The following RBM48 variants were observed in gnomAD, a reference collection of about 807,000 sequenced individuals.
RBM48 encodes RNA-binding protein 48.
A neutral mutation model predicts 34.8 loss-of-function variants in RBM48; 32 were observed. The ratio of observed to expected loss-of-function variants is 0.92; its 90% CI spans 0.69 to 1.23. The LOEUF is 1.23. RBM48 is among the 50% of genes most tolerant of loss of function. RBM48 has a pLI of 0.00. For synonymous variants in RBM48, 151 were observed against 156.2 expected, an observed-to-expected ratio of 0.97 and a Z score of 0.25; for missense variants, 441 against 447.2, an observed-to-expected ratio of 0.99 and a Z score of 0.12.
rs368519576 is a variant in RBM48, at chr7:92,534,713, A to T, written c.760A>T (p.Asn254Tyr). 2.5e-6 allele frequency: 4 copies of T among 1,614,034 alleles called. No individual in the cohort carries two copies. The African/African-American group carries it at 4.0e-5, about 16-fold the overall frequency. ...LRKTQINSLK[N>Y]SVACPGAQKA... is the part of the protein sequence containing the mutation. The stretch of plus-strand genomic sequence containing the variant: ...GAAAACACAGATAAACTCTTTGAAA[A>T]ACTCAGTGGCCTGCCCTGGTGCACA... The change falls in exon 4 of 5, where the codon AAC (asparagine) becomes TAC (tyrosine). Residue 254 changes from asparagine to tyrosine, a missense_variant. Physicochemically the swap from Asn to Tyr is moderately radical, Grantham distance 143. Coordinates refer to ENST00000265732, the MANE Select transcript of RBM48 (RefSeq NM_032120.4).
intron 2 of RBM48, among the ~76,000 whole-genome samples, chr7:92,530,134 G>A (rs1159430289): frequency 2.1e-5 from 3 of 145,978 alleles, no homozygotes; most frequent in Non-Finnish European, 3.0e-5. Flanking sequence ...CCGAGATTGC[G>A]CCATTGCACT....
intron 3 of RBM48, among the ~76,000 whole-genome samples, chr7:92,533,352 A>G (rs1299886046): frequency 6.6e-6 from 1 of 152,188 alleles, no homozygotes. Flanking sequence ...CCTGGGTCCT[A>G]ATTTTTCTGG....
intron 3 of RBM48, among the ~76,000 whole-genome samples, chr7:92,533,986 A>C (rs1392304597): frequency 6.6e-6 from 1 of 151,838 alleles, no homozygotes; most frequent in Non-Finnish European, 1.5e-5. Flanking sequence ...AAAAAAAAAA[A>C]AAACCTTTCT....
At chr7:92,536,440 G>T in intron 4 of RBM48, 2 of 986,168 alleles carry the variant, frequency 2.0e-6, no homozygotes, top group Non-Finnish European at 2.4e-6. Context: ...CCAGGAAATT[G>T]AGGATTATAC....
At chr7:92,529,302 T>C (rs1793475167) in intron 1 of RBM48, 174 bp from the exon 2 acceptor site, 1 of 588,108 alleles carries the variant, frequency 1.7e-6, no homozygotes. Flanking sequence ...GCCTCTCACA[T>C]GGACTGTTAT....
At chr7:92,530,573 A>C (rs916400340) in intron 2 of RBM48, among the ~76,000 whole-genome samples, 3 of 151,998 alleles carry the variant, frequency 2.0e-5, no homozygotes, top group Admixed American at 6.6e-5. Context: ...AGGTCGAGGT[A>C]GGTGGATCAC....
In RBM48 at chr7:92,539,810, A is replaced by T. The variant is rs1195116507; in HGVS notation, c.*2873A>T. Among the ~76,000 whole-genome samples, 1 of 152,250 alleles carries T rather than the reference A, an allele frequency of 6.6e-6. No homozygotes were observed. The highest frequency in any genetic ancestry group is 1.5e-5 in the Non-Finnish European group (1 of 68,040). On this transcript the variant is annotated 3_prime_UTR_variant, in exon 5 of 5. Coordinates refer to ENST00000265732, the MANE Select transcript of RBM48 (RefSeq NM_032120.4). ...TATTAGACTGATACTTGCAGCTCAG[A>T]AAACTTTTGTCAGATGCATACATGA...
rs1426849105 is a variant in RBM48, at chr7:92,534,533, T to C, written c.580T>C (p.Tyr194His). 6.2e-7 allele frequency: 1 copy of C among 1,614,172 alleles called. No individual in the cohort carries two copies. Among genetic ancestry groups the C allele is most frequent in the Admixed American group, 1.7e-5 (1 of 60,030 alleles). Residue 194 changes from tyrosine (Y) to histidine (H), a missense_variant, in exon 4 of 5, where the codon TAT (tyrosine) becomes CAT (histidine). Coordinates refer to ENST00000265732, the MANE Select transcript of RBM48 (RefSeq NM_032120.4). ...LNTSAGNSNP[Y>H]LPYSCELPLC... is the part of the protein sequence containing the mutation. ...CACTTCTGCAGGGAACTCAAATCCT[T>C]ATCTTCCGTATTCCTGTGAATTGCC...
chr7:92,536,296 A>G, intron 4 of RBM48: 1 of 979,826 alleles, frequency 1.0e-6, no homozygotes, highest in Non-Finnish European at 1.2e-6. Flanking sequence ...AACAACAAAA[A>G]AAAGATATTA....
intron 2 of RBM48, among the ~76,000 whole-genome samples, chr7:92,532,065 A>G (rs977311460): frequency 2.6e-5 from 4 of 152,198 alleles, no homozygotes; most frequent in African/African-American, 9.6e-5. Context: ...AAAAAGCTTA[A>G]TTGGGTATGA....
intron 3 of RBM48, among the ~76,000 whole-genome samples, chr7:92,533,751 T>C (rs1004910052): frequency 2.6e-5 from 4 of 152,142 alleles, no homozygotes; most frequent in Non-Finnish European, 5.9e-5. Flanking sequence ...TCCCATGTAT[T>C]AATATTAACA....
rs188801072 is a variant in RBM48, at chr7:92,534,881, G to C, written c.928G>C (p.Gly310Arg). Reference sequence around the variant, plus strand: ...CCCAACTGGTAATGAGATTATGATTGGACCTCTGTTACCAGACATCTCTAA... The same window carrying C: ...CCCAACTGGTAATGAGATTATGATTCGACCTCTGTTACCAGACATCTCTAA... Reference protein sequence around the residue: ...TNPTGNEIMIGPLLPDISKVD... With the variant: ...TNPTGNEIMIRPLLPDISKVD... The change falls in exon 4 of 5, where the codon GGA becomes CGA. Residue 310 changes from glycine to arginine, a missense_variant. Physicochemically the swap from Gly to Arg is moderately radical, Grantham distance 125 (BLOSUM62 -2). Coordinates refer to ENST00000265732, the MANE Select transcript of RBM48 (RefSeq NM_032120.4). 59 of 1,614,088 alleles carry C rather than the reference G, an allele frequency of 3.7e-5. No individual in the cohort carries two copies. Among genetic ancestry groups the C allele is most frequent in the Admixed American group, 2.2e-4 (13 of 60,004 alleles).
intron 4 of RBM48, chr7:92,536,136 AAAG>A: frequency 1.0e-6 from 1 of 985,338 alleles, no homozygotes; most frequent in Non-Finnish European, 1.2e-6. Context: ...TCTCAAAAAA[AAAG>A]GTTTTCAGTT....
In RBM48 at chr7:92,537,146, G is replaced by A; in HGVS notation, c.*209G>A. The A allele has an allele frequency of 2.9e-6, 1 of 349,020 alleles. No individual in the cohort carries two copies. The highest frequency in any genetic ancestry group is 5.3e-6 in the Non-Finnish European group (1 of 186,930). 21.6% of individuals were successfully genotyped at this position (349,020 alleles called of 1,614,324 possible). A position where few individuals can be genotyped will look rare whatever the true frequency, so the allele number is the denominator to read the frequency against. On this transcript the variant is annotated 3_prime_UTR_variant, in exon 5 of 5. Transcript: ENST00000265732. Reference sequence around the variant, plus strand: ...TGCCCAGGCTGGAATGCAGTGGCGTGATCTCGGCTCACTGCAACCTCCACC... The same window carrying A: ...TGCCCAGGCTGGAATGCAGTGGCGTAATCTCGGCTCACTGCAACCTCCACC...
intron 3 of RBM48, among the ~76,000 whole-genome samples, chr7:92,532,922 A>G (rs1793612327): frequency 6.6e-6 from 1 of 152,248 alleles, no homozygotes; most frequent in Non-Finnish European, 1.5e-5. Flanking sequence ...CAAAGGTTTC[A>G]GTGAGAGATA....
At chr7:92,536,573 C>A in intron 4 of RBM48, 2 of 1,051,060 alleles carry the variant, frequency 1.9e-6, no homozygotes, top group East Asian at 7.0e-5. Context: ...GTCTTTAGAT[C>A]TATAAAGGAA....
At chr7:92,533,380 C>T (rs1282596955) in intron 3 of RBM48, among the ~76,000 whole-genome samples, 3 of 152,164 alleles carry the variant, frequency 2.0e-5, no homozygotes, top group Non-Finnish European at 4.4e-5. Context: ...AACTAAGTCT[C>T]AGAAAGTTTG....
chr7:92,534,238 G>C, intron 3 of RBM48, 164 bp from the exon 4 acceptor site: 1 of 1,052,750 alleles, frequency 9.5e-7, no homozygotes, highest in Non-Finnish European at 1.4e-6. Context: ...TCCGTTTTAG[G>C]TTTTAAACCA....
chr7:92,534,763 A>G lies in RBM48; in HGVS notation c.810A>G (p.Ala270=), dbSNP rs1243862078. ...AAAAGGCTATTACGTCTTCAGAGGC[A>G]GTTGACAGATTTATGCCTAGGACAA... ...GAQKAITSSE[A]VDRFMPRTTQ... is the part of the protein sequence containing the mutation. The change falls in exon 4 of 5, where the codon GCA becomes GCG. Residue 270 remains alanine, a synonymous_variant. Transcript: ENST00000265732. The G allele has an allele frequency of 6.2e-7, 1 of 1,614,104 alleles. No individual in the cohort carries two copies. The highest frequency in any genetic ancestry group is 2.2e-5 in the East Asian group (1 of 44,900).
Sources: gnomAD v4.1 joint callset for allele counts (sites outside exome capture counted in the v4.1 genomes callset) on GRCh38, gnomAD v4.1.1 for gene constraint, MANE v1.5 for transcripts, NCBI Gene and HGNC (gene_info 2026-07-23, HGNC 2026-07-21) for gene names.